The following ZNF492 variants were observed in gnomAD, a reference collection of about 807,000 sequenced individuals.
The protein encoded by ZNF492 is zinc finger protein 115 (Y20).
Under a neutral mutation model 6.4 loss-of-function variants are expected in ZNF492, and 3 were observed. The observed-to-expected ratio is 0.47, with a 90% confidence interval of 0.21 to 1.22. ZNF492 has a LOEUF of 1.22. Among genes scored for constraint, ZNF492 ranks in the 50% most tolerant of loss-of-function variants. ZNF492 has a pLI of 0.22. For missense variants in ZNF492, 356 were observed against 612.5 expected, an observed-to-expected ratio of 0.58 and a Z score of 4.42; for synonymous variants, 112 against 205.3, an observed-to-expected ratio of 0.55 and a Z score of 3.89.
intron 3 of ZNF492, among the ~76,000 whole-genome samples, chr19:22,659,709 A>T (rs1472131010): frequency 7.2e-6 from 1 of 139,660 alleles, no homozygotes; most frequent in African/African-American, 2.7e-5. Context: ...TCTGTGTCCC[A>T]GGCTGGAGTG....
In ZNF492 at chr19:22,666,710, T is replaced by C. The variant is rs554910209; in HGVS notation, c.*1445T>C. On this transcript the variant is annotated 3_prime_UTR_variant, in exon 4 of 4. Coordinates refer to ENST00000456783, the MANE Select transcript of ZNF492 (RefSeq NM_020855.3). ...GTTCTGAGTAATATTCTGCATTATA[T>C]TGAGAGACAAATTTTTAGTTTTAGT... 1 of 151,522 alleles carries C rather than the reference T, an allele frequency of 6.6e-6. No homozygotes were observed. Among genetic ancestry groups the C allele is most frequent in the East Asian group, 1.9e-4 (1 of 5,184 alleles). 9.4% of individuals were successfully genotyped at this position (151,522 alleles called of 1,614,324 possible).
chr19:22,659,796 G>A (rs1409903185), intron 3 of ZNF492, among the ~76,000 whole-genome samples: 2 of 151,278 alleles, frequency 1.3e-5, no homozygotes, highest in Non-Finnish European at 2.9e-5. Flanking sequence ...CTCCCGAGTA[G>A]CTAGGATTAC....
chr19:22,661,906 A>G (rs996170360), intron 3 of ZNF492, among the ~76,000 whole-genome samples: 9 of 152,092 alleles, frequency 5.9e-5, no homozygotes, highest in African/African-American at 1.2e-4. Flanking sequence ...TTAATAACCA[A>G]TAATCACTTG....
chr19:22,663,611 AACTT>A (rs1423206212), intron 3 of ZNF492, among the ~76,000 whole-genome samples, 185 bp from the exon 4 acceptor site: 6 of 152,080 alleles, frequency 3.9e-5, no homozygotes, highest in African/African-American at 1.4e-4. Flanking sequence ...GCACACACTT[AACTT>A]ACTTTAATTT....
At chr19:22,641,518 CTG>C (rs1169380940) in intron 1 of ZNF492, among the ~76,000 whole-genome samples, 1 of 152,170 alleles carries the variant, frequency 6.6e-6, no homozygotes, top group African/African-American at 2.4e-5. Context: ...TTGCTTCTGA[CTG>C]TGTGGTCAAT....
At position 22,666,863 on chromosome 19, in the gene ZNF492, T is replaced by C. The variant is rs1217060728; in HGVS notation, c.*1598T>C. On this transcript the variant is annotated 3_prime_UTR_variant, in exon 4 of 4. Transcript: ENST00000456783. ...TTCAACATTTTTAACAGTTTAAATATTGTGCATTCAATCAAGTCACATTAT... is the reference window on the plus strand; with the variant it reads ...TTCAACATTTTTAACAGTTTAAATACTGTGCATTCAATCAAGTCACATTAT... 1 of 152,210 alleles carries C rather than the reference T, an allele frequency of 6.6e-6. No homozygotes were observed. The highest frequency in any genetic ancestry group is 1.5e-5 in the Non-Finnish European group (1 of 68,040). 9.4% of individuals were successfully genotyped at this position (152,210 alleles called of 1,614,324 possible). A position where few individuals can be genotyped will look rare whatever the true frequency, so the allele number is the denominator to read the frequency against.
intron 1 of ZNF492, among the ~76,000 whole-genome samples, chr19:22,637,149 T>A (rs59738610): frequency 0.079 from 11,989 of 151,016 alleles, 516 homozygotes; most frequent in South Asian, 0.11. Context: ...TTATTTATTT[T>A]TATTTTTTTA....
chr19:22,640,330 T>G (rs1971814094), intron 1 of ZNF492, among the ~76,000 whole-genome samples: 1 of 152,050 alleles, frequency 6.6e-6, no homozygotes, highest in African/African-American at 2.4e-5. Context: ...CTCGGCTAAT[T>G]TTTGTATTTT....
chr19:22,659,880 A>C (rs1158491860), intron 3 of ZNF492, among the ~76,000 whole-genome samples: 1 of 151,994 alleles, frequency 6.6e-6, no homozygotes, highest in Non-Finnish European at 1.5e-5. Flanking sequence ...TGGCCAGGCC[A>C]GTCTCGAACT....
rs759847374 is a variant in ZNF492, at chr19:22,653,212, C to A, written c.-93-95C>A. 2.0e-5 allele frequency: 28 copies of A among 1,407,208 alleles called. No homozygotes were observed. In the Admixed American group the frequency reaches 3.7e-4, roughly 19 times the overall value. The allele number at this position is 1,407,208 out of a possible 1,614,324, so 87.2% of individuals were successfully genotyped here. On this transcript the variant is annotated intron_variant, in intron 1 of 3. Transcript: ENST00000456783. ...TATCAGTCACTCCTATAAGTAAGAA[C>A]CAGTTCTCTTTACTCTTGTTTTACC...
intron 1 of ZNF492, among the ~76,000 whole-genome samples, chr19:22,644,803 C>G (rs1290895836): frequency 6.6e-6 from 1 of 152,178 alleles, no homozygotes; most frequent in East Asian, 1.9e-4. Context: ...GGAATCACCA[C>G]ACTGTCTTCG....
intron 3 of ZNF492, among the ~76,000 whole-genome samples, chr19:22,657,558 TAC>T: frequency 6.6e-6 from 1 of 152,232 alleles, no homozygotes; most frequent in East Asian, 1.9e-4. Flanking sequence ...CTTCAATGAG[TAC>T]ACAGTTACAG....
At chr19:22,659,561 T>TACACACACACACACACAC (rs569041771) in intron 3 of ZNF492, among the ~76,000 whole-genome samples, 9 of 138,740 alleles carry the variant, frequency 6.5e-5, no homozygotes, top group Admixed American at 1.5e-4. Flanking sequence ...TAATGTGAGA[T>TACACACACACACACACAC]ACACACACAC....
At chr19:22,645,993 T>C (rs543216085) in intron 1 of ZNF492, among the ~76,000 whole-genome samples, 359 of 152,320 alleles carry the variant, frequency 2.4e-3, no homozygotes, top group African/African-American at 8.5e-3. Context: ...AGGATTGTCT[T>C]GGCTATATGG....
intron 1 of ZNF492, among the ~76,000 whole-genome samples, chr19:22,636,514 C>CTGTGTGTGTG (rs141601969): frequency 0.012 from 1,786 of 147,282 alleles, 24 homozygotes; most frequent in African/African-American, 0.031. Context: ...ACATGATCTT[C>CTGTGTGTGTG]TGTGTGTGTG....
intron 3 of ZNF492, among the ~76,000 whole-genome samples, chr19:22,655,397 A>AT (rs1196710342): frequency 3.9e-5 from 6 of 151,928 alleles, no homozygotes; most frequent in Non-Finnish European, 8.8e-5. Flanking sequence ...TTTGAAAGAT[A>AT]TTTAAGCTCC....
chr19:22,641,928 G>A (rs867833659), intron 1 of ZNF492, among the ~76,000 whole-genome samples: 6 of 152,128 alleles, frequency 3.9e-5, no homozygotes, highest in Admixed American at 6.6e-5. Context: ...CGAGTAGCTA[G>A]GACTACAGGC....
At position 22,664,028 on chromosome 19, in the gene ZNF492, A is replaced by C; in HGVS notation, c.359A>C (p.Lys120Thr). Reference sequence around the variant, plus strand: ...ATATTTCAATGTGACAAATATGTGAAAGTCTTTCATAAATTTTCAAATTCA... The same window carrying C: ...ATATTTCAATGTGACAAATATGTGACAGTCTTTCATAAATTTTCAAATTCA... ...NKIFQCDKYVKVFHKFSNSNR... is the reference protein window; with the variant it reads ...NKIFQCDKYVTVFHKFSNSNR... Residue 120 changes from lysine (K) to threonine (T), a missense_variant, in exon 4 of 4, where the codon AAA becomes ACA. Physicochemically the swap from Lys to Thr is moderately conservative, Grantham distance 78 (BLOSUM62 -1). This residue lies in a region of ZNF492 where 196 missense variants were observed against 219.4 expected (regional missense o/e 0.89). Coordinates refer to ENST00000456783, the MANE Select transcript of ZNF492 (RefSeq NM_020855.3). 6.2e-7 allele frequency: 1 copy of C among 1,607,468 alleles called. No homozygotes were observed.
At chr19:22,647,970 G>T (rs963150175) in intron 1 of ZNF492, among the ~76,000 whole-genome samples, 3 of 152,024 alleles carry the variant, frequency 2.0e-5, no homozygotes, top group African/African-American at 7.2e-5. Flanking sequence ...CTGATTTCAG[G>T]TGATTTGCCT....
Sources: gnomAD v4.1 joint callset for allele counts (sites outside exome capture counted in the v4.1 genomes callset) on GRCh38, gnomAD v4.1.1 for gene constraint, gnomAD v4.1.1 regional missense constraint, MANE v1.5 for transcripts, NCBI Gene and HGNC (gene_info 2026-07-23, HGNC 2026-07-21) for gene names.